LRBA: variants seen among roughly 807,000 people sequenced by gnomAD.
LRBA encodes the protein LPS responsive beige-like anchor protein.
Under a neutral mutation model 330.0 loss-of-function variants are expected in LRBA, and 176 were observed. That is an observed-to-expected ratio of 0.53 (90% CI 0.47 to 0.60). The LOEUF is 0.60. Ranked by LOEUF, LRBA falls within the 20% of genes least tolerant of loss-of-function variation. The pLI is 0.00. For synonymous variants in LRBA, 1,230 were observed against 1,193.0 expected, an observed-to-expected ratio of 1.03 and a Z score of -0.64; for missense variants, 3,259 against 3,444.8, an observed-to-expected ratio of 0.95 and a Z score of 1.35.
chr4:150,767,959 G>C (rs1560789761), intron 34 of LRBA, among the ~76,000 whole-genome samples: 1 of 148,276 alleles, frequency 6.7e-6, no homozygotes, highest in Non-Finnish European at 1.5e-5. Flanking sequence ...AGCTACTCAA[G>C]AGGCTGAGGC....
At chr4:150,915,777 TAACGC>T in intron 7 of LRBA, 50 bp from the exon 8 acceptor site, 1 of 1,508,092 alleles carries the variant, frequency 6.6e-7, no homozygotes. Flanking sequence ...ATTATCCCAA[TAACGC>T]AACCATACTG....
chr4:150,842,905 A>G (rs1335402929), intron 28 of LRBA, among the ~76,000 whole-genome samples: 1 of 151,618 alleles, frequency 6.6e-6, no homozygotes, highest in Non-Finnish European at 1.5e-5. Flanking sequence ...GTAGGGGGTA[A>G]GAGGCGGGGT....
At chr4:150,614,115 C>T (rs1005999304) in intron 37 of LRBA, among the ~76,000 whole-genome samples, 1 of 152,210 alleles carries the variant, frequency 6.6e-6, no homozygotes, top group Admixed American at 6.5e-5. Flanking sequence ...CCCCTTCCTT[C>T]GGATTTAGAC....
intron 2 of LRBA, among the ~76,000 whole-genome samples, chr4:150,973,753 G>A (rs760319536): frequency 4.6e-5 from 7 of 152,144 alleles, no homozygotes; most frequent in East Asian, 1.9e-4. Context: ...AGCACTTCAC[G>A]AGGCTGAAGC....
intron 37 of LRBA, among the ~76,000 whole-genome samples, chr4:150,636,315 T>A (rs1777906782): frequency 1.3e-5 from 2 of 152,180 alleles, no homozygotes; most frequent in Admixed American, 1.3e-4. Flanking sequence ...TCTATTTTAT[T>A]CAACGGATTA....
intron 54 of LRBA, among the ~76,000 whole-genome samples, chr4:150,284,542 A>C (rs1475369293): frequency 6.6e-6 from 1 of 152,010 alleles, no homozygotes. Context: ...GTTTTGACAA[A>C]ATTATTCTTA....
At chr4:150,749,401 G>A (rs959214429) in intron 35 of LRBA, among the ~76,000 whole-genome samples, 2 of 151,938 alleles carry the variant, frequency 1.3e-5, no homozygotes, top group African/African-American at 2.4e-5. Flanking sequence ...GAGACTCCAC[G>A]TCTATTTTTA....
chr4:150,920,067 T>G (rs1694164214), intron 5 of LRBA, among the ~76,000 whole-genome samples: 1 of 152,172 alleles, frequency 6.6e-6, no homozygotes, highest in African/African-American at 2.4e-5. Context: ...ATAAAACTTT[T>G]CAAAGAAAGT....
chr4:150,528,591 T>C (rs1763730386), intron 40 of LRBA, among the ~76,000 whole-genome samples: 1 of 152,074 alleles, frequency 6.6e-6, no homozygotes, highest in Non-Finnish European at 1.5e-5. Flanking sequence ...AATAGCAGCA[T>C]AAGCCCACCC....
chr4:150,601,327 TAG>T (rs1355000140), intron 37 of LRBA, among the ~76,000 whole-genome samples: 2 of 152,156 alleles, frequency 1.3e-5, no homozygotes, highest in African/African-American at 4.8e-5. Flanking sequence ...TAGGTAACAA[TAG>T]ATTCTACTAT....
intron 2 of LRBA, among the ~76,000 whole-genome samples, chr4:151,011,737 T>A (rs1744870559): frequency 6.6e-6 from 1 of 152,072 alleles, no homozygotes; most frequent in South Asian, 2.1e-4. Flanking sequence ...TTGCTCTGCA[T>A]GATTGTAGCT....
chr4:150,802,795 G>A lies in LRBA; in HGVS notation c.5518+3476C>T, dbSNP rs577730868. Among the ~76,000 whole-genome samples the A allele has an allele frequency of 2.0e-4, 31 of 151,990 alleles. No homozygotes were observed. The South Asian group carries it at 5.2e-3, about 25-fold the overall frequency. On this transcript the variant is annotated intron_variant, in intron 33 of 56. Transcript: ENST00000651943. ...TCCCAGCACTTTGGGAGGCAAGGCC[G>A]GAGGACTGCTCGGGGTCAGGAGTTT...
intron 34 of LRBA, among the ~76,000 whole-genome samples, chr4:150,782,971 C>T (rs891471863): frequency 5.3e-5 from 8 of 152,056 alleles, no homozygotes; most frequent in African/African-American, 1.9e-4. Flanking sequence ...AGTGTTGGTT[C>T]TAATAATGAC....
At chr4:150,648,163 A>AAAAAAAAAAAAAAAAAAAAAAAAC (rs1561468343) in intron 37 of LRBA, among the ~76,000 whole-genome samples, 51 of 139,878 alleles carry the variant, frequency 3.6e-4, no homozygotes, top group African/African-American at 1.3e-3. Context: ...AGTAGCAAAA[A>AAAAAAAAAAAAAAAAAAAAAAAAC]AAAAAAAAAA....
chr4:151,011,597 CAAAAAA>C (rs77338885), intron 2 of LRBA, among the ~76,000 whole-genome samples: 1 of 90,518 alleles, frequency 1.1e-5, no homozygotes, highest in Non-Finnish European at 2.4e-5. Context: ...GACTCTATCT[CAAAAAA>C]AAAAAAAAAA....
At chr4:150,806,849 T>C (rs2126718341) in intron 32 of LRBA, among the ~76,000 whole-genome samples, 1 of 152,036 alleles carries the variant, frequency 6.6e-6, no homozygotes, top group South Asian at 2.1e-4. Flanking sequence ...TGAGTGCTTA[T>C]AAATTATAAA....
intron 17 of LRBA, among the ~76,000 whole-genome samples, chr4:150,883,609 A>G (rs907909348): frequency 1.3e-5 from 2 of 152,258 alleles, no homozygotes; most frequent in East Asian, 1.9e-4. Context: ...ACAAAAATCC[A>G]TAATTTAAAA....
rs751268553 is a variant in LRBA, at chr4:150,867,721, A to G, written c.2716T>C (p.Trp906Arg). Residue 906 changes from tryptophan to arginine, a missense_variant, in exon 22 of 57, where the codon TGG becomes CGG. Transcript: ENST00000651943. The stretch of plus-strand genomic sequence containing the variant: ...TCTACCCATACACGCCAGCCACCCC[A>G]CTCATATTTGACTGCATGGTAAAGC... ...ILLYHAVKYEWGGWRVWVDTL... is the reference protein window; with the variant it reads ...ILLYHAVKYERGGWRVWVDTL... 2 of 1,613,534 alleles carry G rather than the reference A, an allele frequency of 1.2e-6. No homozygotes were observed. Among genetic ancestry groups the G allele is most frequent in the Admixed American group, 1.7e-5 (1 of 59,928 alleles).
rs1442679565 is a variant in LRBA at position 150,951,337 on chromosome 4, AC to A, written c.217-22273del. Among the ~76,000 whole-genome samples, 3 of 152,194 alleles carry A rather than the reference AC, an allele frequency of 2.0e-5. No individual in the cohort carries two copies. In the East Asian group the frequency reaches 5.8e-4, roughly 29 times the overall value. On this transcript the variant is annotated intron_variant, in intron 2 of 56. Transcript: ENST00000651943. ...AAATCATTTTCATTCATAGTTCTCCACTGACAGTCTACGTTAGACTCAACAT... is the reference window on the plus strand; with the variant it reads ...AAATCATTTTCATTCATAGTTCTCCATGACAGTCTACGTTAGACTCAACAT...
Sources: gnomAD v4.1 joint callset for allele counts (sites outside exome capture counted in the v4.1 genomes callset) on GRCh38, gnomAD v4.1.1 for gene constraint, MANE v1.5 for transcripts, NCBI Gene and HGNC (gene_info 2026-07-23, HGNC 2026-07-21) for gene names.